Variants in TMCO5A observed in about 807,000 individuals in gnomAD.
The protein encoded by TMCO5A is transmembrane and coiled-coil domains 5A.
TMCO5A carries 34 observed loss-of-function variants against 42.3 expected under a neutral mutation model. The ratio of observed to expected loss-of-function variants is 0.80; its 90% CI spans 0.61 to 1.07. TMCO5A has a LOEUF of 1.07. Among genes scored for constraint, TMCO5A ranks in the 50% least tolerant of loss-of-function variants. The pLI, the probability that TMCO5A is intolerant of heterozygous loss-of-function variation, is 0.00. For synonymous variants in TMCO5A, 131 were observed against 115.6 expected, an observed-to-expected ratio of 1.13 and a Z score of -0.86; for missense variants, 357 against 327.9, an observed-to-expected ratio of 1.09 and a Z score of -0.69.
the TMCO5A span, among the ~76,000 whole-genome samples, chr15:37,992,195 CA>C: frequency 6.6e-6 from 1 of 152,070 alleles, no homozygotes; most frequent in Non-Finnish European, 1.5e-5. Flanking sequence ...AGGACATGAA[CA>C]CACACTTTTT....
chr15:38,003,606 C>A, the TMCO5A span, among the ~76,000 whole-genome samples: 1 of 152,028 alleles, frequency 6.6e-6, no homozygotes, highest in Non-Finnish European at 1.5e-5. Context: ...GGCACCCAAG[C>A]TTTAAGACAA....
At chr15:37,958,480 C>T (rs1221288406) in intron 11 of TMCO5A, among the ~76,000 whole-genome samples, 1 of 152,014 alleles carries the variant, frequency 6.6e-6, no homozygotes, top group African/African-American at 2.4e-5. Flanking sequence ...AGCCAACAAA[C>T]ATGAAAAAAA....
At chr15:37,935,123 A>C (rs1889467730) in intron 1 of TMCO5A, 134 bp from the exon 2 acceptor site, 1 of 152,138 alleles carries the variant, frequency 6.6e-6, no homozygotes, top group African/African-American at 2.4e-5. Context: ...GTCATGGTTA[A>C]AATGTGGGGA....
intron 6 of TMCO5A, among the ~76,000 whole-genome samples, chr15:37,939,884 G>A (rs1326742836): frequency 6.6e-6 from 1 of 152,000 alleles, no homozygotes; most frequent in African/African-American, 2.4e-5. Context: ...ACTGAAGAGT[G>A]AACCAACTCT....
At chr15:37,999,352 A>T in the TMCO5A span, among the ~76,000 whole-genome samples, 3 of 152,198 alleles carry the variant, frequency 2.0e-5, no homozygotes, top group Non-Finnish European at 4.4e-5. Context: ...GGCATATAGA[A>T]ATGCTACTGA....
intron 11 of TMCO5A, among the ~76,000 whole-genome samples, chr15:37,963,861 A>G (rs1162988568): frequency 1.3e-5 from 2 of 152,138 alleles, no homozygotes; most frequent in African/African-American, 4.8e-5. Flanking sequence ...GTCTGATATA[A>G]GAATAGCTAC....
the TMCO5A span, among the ~76,000 whole-genome samples, chr15:38,037,391 C>G: frequency 6.6e-6 from 1 of 152,068 alleles, no homozygotes; most frequent in Non-Finnish European, 1.5e-5. Flanking sequence ...CTGTTTGGGT[C>G]CAAATTAACA....
At chr15:37,960,011 A>G (rs956528184) in intron 11 of TMCO5A, among the ~76,000 whole-genome samples, 2 of 152,018 alleles carry the variant, frequency 1.3e-5, no homozygotes, top group African/African-American at 4.8e-5. Flanking sequence ...TACAAAAATC[A>G]GTAACTTTTT....
the TMCO5A span, among the ~76,000 whole-genome samples, chr15:38,007,997 G>A: frequency 3.5e-5 from 5 of 141,352 alleles, no homozygotes; most frequent in East Asian, 4.5e-4. Flanking sequence ...CCAGGTTCAC[G>A]CCATTCTCCT....
chr15:37,968,582 C>CTTTTT (rs61091144), downstream of TMCO5A, among the ~76,000 whole-genome samples: 8 of 131,126 alleles, frequency 6.1e-5, no homozygotes, highest in Admixed American at 7.8e-5. Flanking sequence ...TTCTACATTT[C>CTTTTT]TTTTTTTTTT....
chr15:37,957,399 G>C (rs1055589783), intron 11 of TMCO5A, among the ~76,000 whole-genome samples: 1 of 152,038 alleles, frequency 6.6e-6, no homozygotes, highest in Admixed American at 6.6e-5. Flanking sequence ...AAAGTCTCAG[G>C]ATACAAAATC....
intron 11 of TMCO5A, among the ~76,000 whole-genome samples, chr15:37,959,625 A>G (rs1189087219): frequency 2.0e-5 from 3 of 152,122 alleles, no homozygotes; most frequent in Non-Finnish European, 4.4e-5. Flanking sequence ...AGCAATTGAT[A>G]TAATTCAACA....
At chr15:37,967,001 T>C in exon 12 of TMCO5A, 1 of 280,920 alleles carries the variant, frequency 3.6e-6, no homozygotes, top group Non-Finnish European at 6.7e-6. Flanking sequence ...GAGGTCTACT[T>C]CATTGCTAAA....
chr15:37,990,563 T>A, the TMCO5A span, among the ~76,000 whole-genome samples: 2 of 151,592 alleles, frequency 1.3e-5, no homozygotes, highest in Non-Finnish European at 2.9e-5. Context: ...TGGGATTTTT[T>A]AAAATTTATT....
intron 10 of TMCO5A, 32 bp from the exon 11 acceptor site, chr15:37,947,624 T>C: frequency 6.8e-7 from 1 of 1,466,774 alleles, no homozygotes; most frequent in Non-Finnish European, 9.5e-7. Flanking sequence ...CTCCAGAAAT[T>C]GCTTATTTAT....
At chr15:38,037,056 G>C in the TMCO5A span, among the ~76,000 whole-genome samples, 3 of 152,206 alleles carry the variant, frequency 2.0e-5, no homozygotes, top group African/African-American at 7.2e-5. Context: ...GCTGAACAGA[G>C]TCAAAGTCTG....
downstream of TMCO5A, among the ~76,000 whole-genome samples, chr15:37,953,290 C>T (rs763794645): frequency 1.3e-5 from 2 of 152,146 alleles, no homozygotes; most frequent in South Asian, 4.1e-4. Context: ...TCAGGTCTAA[C>T]GGTTCAGCAC....
At chr15:38,030,719 G>A in the TMCO5A span, among the ~76,000 whole-genome samples, 1 of 152,110 alleles carries the variant, frequency 6.6e-6, no homozygotes, top group Non-Finnish European at 1.5e-5. Flanking sequence ...CTCCAGAAAT[G>A]TTGAACTACT....
At chr15:38,019,773 ATTT>A in the TMCO5A span, among the ~76,000 whole-genome samples, 1 of 143,760 alleles carries the variant, frequency 7.0e-6, no homozygotes, top group African/African-American at 2.6e-5. Flanking sequence ...TGTCTGGCTA[ATTT>A]TTTTTTTTTT....
Sources: gnomAD v4.1 joint callset for allele counts (sites outside exome capture counted in the v4.1 genomes callset) on GRCh38, gnomAD v4.1.1 for gene constraint, MANE v1.5 for transcripts, NCBI Gene and HGNC (gene_info 2026-07-23, HGNC 2026-07-21) for gene names.